CAAP1: variants seen among roughly 807,000 people sequenced by gnomAD.
The protein encoded by CAAP1 is conserved anti-apoptotic protein.
A neutral mutation model predicts 34.0 loss-of-function variants in CAAP1; 20 were observed. The ratio of observed to expected loss-of-function variants is 0.59; its 90% CI spans 0.41 to 0.86. CAAP1 has a LOEUF of 0.86. Ranked by LOEUF, CAAP1 falls within the 40% of genes least tolerant of loss-of-function variation. The pLI is 0.00. For missense variants in CAAP1, 538 were observed against 450.5 expected, an observed-to-expected ratio of 1.19 and a Z score of -1.76; for synonymous variants, 213 against 166.7, an observed-to-expected ratio of 1.28 and a Z score of -2.14.
At chr9:26,879,439 T>C (rs1198283597) in intron 4 of CAAP1, among the ~76,000 whole-genome samples, 4 of 152,252 alleles carry the variant, frequency 2.6e-5, no homozygotes, top group Non-Finnish European at 5.9e-5. Flanking sequence ...CTGGAAATAA[T>C]TGATTTCTAT....
intron 1 of CAAP1, among the ~76,000 whole-genome samples, chr9:26,889,697 C>A (rs545865903): frequency 4.0e-5 from 6 of 151,544 alleles, no homozygotes; most frequent in Admixed American, 3.9e-4. Flanking sequence ...GAAACCCTGT[C>A]TCTACTAAAA....
At chr9:26,855,214 C>T (rs1822841963) in intron 5 of CAAP1, among the ~76,000 whole-genome samples, 1 of 152,128 alleles carries the variant, frequency 6.6e-6, no homozygotes, top group Non-Finnish European at 1.5e-5. Context: ...TACTGAGTGA[C>T]AGAAAACAAT....
intron 1 of CAAP1, among the ~76,000 whole-genome samples, chr9:26,889,972 C>T (rs1440782421): frequency 1.3e-5 from 2 of 150,800 alleles, no homozygotes; most frequent in African/African-American, 4.9e-5. Context: ...ATGACCTTTT[C>T]TTCACAAATA....
chr9:26,881,730 G>A (rs986885430), intron 4 of CAAP1, among the ~76,000 whole-genome samples: 4 of 152,172 alleles, frequency 2.6e-5, no homozygotes, highest in Non-Finnish European at 4.4e-5. Flanking sequence ...ACAAATACAC[G>A]AAAATGTGAA....
At chr9:26,881,581 C>T (rs1823594302) in intron 4 of CAAP1, among the ~76,000 whole-genome samples, 1 of 152,212 alleles carries the variant, frequency 6.6e-6, no homozygotes, top group African/African-American at 2.4e-5. Context: ...GACTGTGAGG[C>T]CTCCTCAGCC....
intron 4 of CAAP1, chr9:26,869,878 A>G: frequency 2.5e-6 from 2 of 794,124 alleles, no homozygotes; most frequent in Non-Finnish European, 3.1e-6. Context: ...GAGAAACTTC[A>G]ATTTTTTAAA....
chr9:26,872,940 G>A (rs906699426), intron 4 of CAAP1, among the ~76,000 whole-genome samples: 6 of 152,170 alleles, frequency 3.9e-5, no homozygotes, highest in African/African-American at 1.4e-4. Context: ...GTAGTGGCTA[G>A]AAACAACAGC....
chr9:26,861,148 T>C lies in CAAP1; in HGVS notation c.666-9A>G, dbSNP rs1446225238. 1 of 1,588,526 alleles carries C rather than the reference T, an allele frequency of 6.3e-7. No individual in the cohort carries two copies. Among genetic ancestry groups the C allele is most frequent in the African/African-American group, 1.4e-5 (1 of 74,022 alleles). On this transcript the variant is annotated splice_polypyrimidine_tract_variant and intron_variant, in intron 4 of 5. Transcript: ENST00000333916. Reference sequence around the variant, plus strand: ...CTATACAGATGTCTTGCCTGGGAAATGAAAATAAGATCAACCTTTAAAACT... The same window carrying C: ...CTATACAGATGTCTTGCCTGGGAAACGAAAATAAGATCAACCTTTAAAACT...
chr9:26,864,612 G>A (rs1823084930), intron 4 of CAAP1, among the ~76,000 whole-genome samples: 1 of 152,084 alleles, frequency 6.6e-6, no homozygotes, highest in African/African-American at 2.4e-5. Context: ...CCCACCCTGC[G>A]ACTCCAAGAT....
chr9:26,885,009 C>G, intron 3 of CAAP1, 124 bp from the exon 4 acceptor site: 1 of 551,614 alleles, frequency 1.8e-6, no homozygotes, highest in East Asian at 3.7e-5. Flanking sequence ...TGGGTCAAAA[C>G]TTAAATTTTT....
At chr9:26,876,465 C>T (rs1201400782) in intron 4 of CAAP1, among the ~76,000 whole-genome samples, 2 of 136,812 alleles carry the variant, frequency 1.5e-5, no homozygotes, top group African/African-American at 5.6e-5. Flanking sequence ...TATATGCATT[C>T]TAGAAGGTTT....
intron 3 of CAAP1, 50 bp downstream of exon 3, chr9:26,886,054 A>T (rs773761001): frequency 2.3e-5 from 20 of 882,390 alleles, no homozygotes; most frequent in Non-Finnish European, 3.5e-5. Flanking sequence ...TTTATGCTGA[A>T]TATAGTATTA....
At chr9:26,858,162 A>G (rs1385139481) in intron 5 of CAAP1, among the ~76,000 whole-genome samples, 1 of 152,226 alleles carries the variant, frequency 6.6e-6, no homozygotes, top group African/African-American at 2.4e-5. Context: ...ATTCACAAGG[A>G]GCTTATATTC....
At chr9:26,844,409 T>C (rs1822548407) in intron 5 of CAAP1, among the ~76,000 whole-genome samples, 1 of 152,194 alleles carries the variant, frequency 6.6e-6, no homozygotes, top group South Asian at 2.1e-4. Flanking sequence ...AAAAATTAAC[T>C]TTAGTGTCTC....
chr9:26,871,577 TAAA>T (rs147681252), intron 4 of CAAP1, among the ~76,000 whole-genome samples: 2 of 117,400 alleles, frequency 1.7e-5, no homozygotes, highest in Admixed American at 8.5e-5. Flanking sequence ...ACTCTGTCTT[TAAA>T]AAAAAAAAAA....
intron 4 of CAAP1, among the ~76,000 whole-genome samples, chr9:26,877,138 G>A (rs1261175147): frequency 6.6e-6 from 1 of 152,064 alleles, no homozygotes; most frequent in African/African-American, 2.4e-5. Context: ...AGCGAGACCT[G>A]CCTCTAAAAA....
intron 5 of CAAP1, among the ~76,000 whole-genome samples, chr9:26,854,108 G>T (rs1014676392): frequency 6.6e-6 from 1 of 152,128 alleles, no homozygotes; most frequent in East Asian, 1.9e-4. Flanking sequence ...GAAACTGCCA[G>T]GTTGATACTG....
chr9:26,852,903 G>A (rs1187670000), intron 5 of CAAP1, among the ~76,000 whole-genome samples: 2 of 152,154 alleles, frequency 1.3e-5, no homozygotes, highest in Non-Finnish European at 2.9e-5. Flanking sequence ...AGGAGGAAGC[G>A]GGCAGGCAGA....
At chr9:26,845,143 G>A (rs1441079527) in intron 5 of CAAP1, among the ~76,000 whole-genome samples, 2 of 152,020 alleles carry the variant, frequency 1.3e-5, no homozygotes, top group Non-Finnish European at 2.9e-5. Flanking sequence ...ACATTTTTAT[G>A]TATTTTTACT....
Sources: allele counts gnomAD v4.1 joint callset (sites outside exome capture counted in the v4.1 genomes callset), GRCh38; gene constraint gnomAD v4.1.1; transcripts MANE v1.5; gene names NCBI Gene and HGNC (gene_info 2026-07-23, HGNC 2026-07-21).